Variants in DEPDC1 observed in about 807,000 individuals in gnomAD.
DEPDC1 encodes the protein DEP domain containing 1, also known as DEP domain-containing protein 1A.
A neutral mutation model predicts 86.8 loss-of-function variants in DEPDC1; 66 were observed. That is an observed-to-expected ratio of 0.76 (90% CI 0.62 to 0.93). The LOEUF (loss-of-function observed/expected upper bound fraction) is 0.93. Among genes scored for constraint, DEPDC1 ranks in the 40% least tolerant of loss-of-function variants. The pLI, the probability that DEPDC1 is intolerant of heterozygous loss-of-function variation, is 0.00. For synonymous variants in DEPDC1, 255 were observed against 314.9 expected (o/e 0.81, Z 2.02); for missense variants, 792 against 935.7 (o/e 0.85, Z 2.00).
chr1:68,496,858 C>CCGAGGAAAAACTGCGAACGGT lies in DEPDC1; in HGVS notation c.48+93_48+94insACCGTTCGCAGTTTTTCCTCG. 7.8e-7 allele frequency: 1 copy of CCGAGGAAAAACTGCGAACGGT among 1,285,468 alleles called. No homozygotes were observed. 79.6% of individuals were successfully genotyped at this position (1,285,468 alleles called of 1,614,324 possible). A position where few individuals can be genotyped will look rare whatever the true frequency, so the allele number is the denominator to read the frequency against. The stretch of plus-strand genomic sequence containing the variant: ...GGGATCCTGGGACTCATCCCTCCGA[C>CCGAGGAAAAACTGCGAACGGT]CGAGGTAAAACTGCGAACGGTCGAG... On this transcript the variant is annotated intron_variant, in intron 1 of 11. Transcript: ENST00000456315. This position sits in a 1 kb window ranked among gnomAD's most constrained non-coding sequence, Gnocchi z 4.0.
At position 68,479,204 on chromosome 1, in the gene DEPDC1, T is replaced by C. The variant is rs1646137486; in HGVS notation, c.2052A>G (p.Gln684=). The C allele has an allele frequency of 6.2e-7, 1 of 1,612,112 alleles. No individual in the cohort carries two copies. Among genetic ancestry groups the C allele is most frequent in the African/African-American group, 1.3e-5 (1 of 74,808 alleles). Residue 684 remains glutamine, a synonymous_variant, in exon 10 of 12, where the codon CAA becomes CAG. Coordinates refer to ENST00000456315, the MANE Select transcript of DEPDC1 (RefSeq NM_001114120.3). The part of the protein sequence containing the change: ...FLMDHHQEIL[Q]VPSYLQTAVE... ...CTGCAGTCTGTAAGTAAGAGGGTAC[T>C]TGAAGAATTTCCTGATGATGATCCA...
intron 9 of DEPDC1, among the ~76,000 whole-genome samples, chr1:68,480,419 T>C (rs370553776): frequency 6.6e-6 from 1 of 152,002 alleles, no homozygotes; most frequent in Non-Finnish European, 1.5e-5. Flanking sequence ...TCTCCTTCCA[T>C]GGCTCAGACC....
chr1:68,482,008 A>C, intron 8 of DEPDC1, 38 bp downstream of exon 8: 1 of 1,515,832 alleles, frequency 6.6e-7, no homozygotes, highest in South Asian at 1.4e-5. Flanking sequence ...GTAAACACTC[A>C]AAGTTAATAT....
chr1:68,492,941 G>T (rs76654498), intron 2 of DEPDC1, among the ~76,000 whole-genome samples: 1 of 152,084 alleles, frequency 6.6e-6, no homozygotes, highest in Non-Finnish European at 1.5e-5. Context: ...TTTTCTATAT[G>T]GTTTATTTGA....
At position 68,489,000 on chromosome 1, in the gene DEPDC1, T is replaced by C; in HGVS notation, c.506A>G (p.Asn169Ser). Reference protein sequence around the residue: ...NGEKIKHEIINEDQENAIDNR... With the variant: ...NGEKIKHEIISEDQENAIDNR... ...ATCAATTGCATTTTCTTGATCTTCA[T>C]TGATTATTTCATGCTTTATTTTCTC... Residue 169 changes from asparagine to serine, a missense_variant, in exon 4 of 12, where the codon AAT becomes AGT. Physicochemically the swap from Asn to Ser is conservative, Grantham distance 46. Coordinates refer to ENST00000456315, the MANE Select transcript of DEPDC1 (RefSeq NM_001114120.3). 1 of 1,607,080 alleles carries C rather than the reference T, an allele frequency of 6.2e-7. No individual in the cohort carries two copies. The highest frequency in any genetic ancestry group is 8.5e-7 in the Non-Finnish European group (1 of 1,175,874).
intron 10 of DEPDC1, among the ~76,000 whole-genome samples, chr1:68,478,464 G>T (rs1646132047): frequency 1.3e-5 from 2 of 148,562 alleles, no homozygotes; most frequent in African/African-American, 5.0e-5. Context: ...TTTTTTTGAG[G>T]CCTAGGGACA....
intron 10 of DEPDC1, among the ~76,000 whole-genome samples, chr1:68,478,927 G>A (rs1477896738): frequency 6.7e-6 from 1 of 150,168 alleles, no homozygotes; most frequent in Non-Finnish European, 1.5e-5. Flanking sequence ...TCATGTGAAG[G>A]AGCCATTGTC....
chr1:68,477,022 C>T lies in DEPDC1; in HGVS notation c.2346G>A (p.Thr782=), dbSNP rs745351903. The part of the protein sequence containing the change: ...PLIYQKRFPT[T]ESEAALFGDK... Reference sequence around the variant, plus strand: ...CACCAAAAAGTGCTGCTTCACTCTCCGTGGTTGGAAATCTTTTCTGATATA... The same window carrying T: ...CACCAAAAAGTGCTGCTTCACTCTCTGTGGTTGGAAATCTTTTCTGATATA... Residue 782 remains threonine (T), a synonymous_variant, in exon 12 of 12, where the codon ACG becomes ACA. Coordinates refer to ENST00000456315, the MANE Select transcript of DEPDC1 (RefSeq NM_001114120.3). The T allele has an allele frequency of 6.2e-6, 10 of 1,606,224 alleles. No homozygotes were observed. The highest frequency in any genetic ancestry group is 1.8e-4 in the Middle Eastern group (1 of 5,500).
chr1:68,487,758 TGA>T (rs747782206), intron 5 of DEPDC1, among the ~76,000 whole-genome samples: 1 of 151,954 alleles, frequency 6.6e-6, no homozygotes, highest in East Asian at 1.9e-4. Flanking sequence ...GCTACGATTT[TGA>T]GAGATTTATG....
At chr1:68,492,552 C>A (rs1266129112) in intron 2 of DEPDC1, among the ~76,000 whole-genome samples, 1 of 151,848 alleles carries the variant, frequency 6.6e-6, no homozygotes, top group African/African-American at 2.4e-5. Context: ...ACAAAAAATT[C>A]AAAAATTAGC....
At chr1:68,491,041 G>C (rs1364253980) in intron 2 of DEPDC1, among the ~76,000 whole-genome samples, 1 of 152,130 alleles carries the variant, frequency 6.6e-6, no homozygotes, top group African/African-American at 2.4e-5. Context: ...ACTCAACATG[G>C]ATTAAAGAGT....
At chr1:68,491,604 C>A (rs1041476524) in intron 2 of DEPDC1, among the ~76,000 whole-genome samples, 13 of 151,994 alleles carry the variant, frequency 8.6e-5, no homozygotes, top group Non-Finnish European at 2.9e-5. Flanking sequence ...AAATGAAATT[C>A]TTTGCTCATT....
intron 1 of DEPDC1, 51 bp from the exon 2 acceptor site, chr1:68,494,746 C>T (rs983465882): frequency 6.9e-7 from 1 of 1,458,828 alleles, no homozygotes; most frequent in Non-Finnish European, 9.4e-7. Flanking sequence ...AATTAAATCT[C>T]ATATTGATTT....
chr1:68,494,177 G>A (rs1283492422), intron 2 of DEPDC1, among the ~76,000 whole-genome samples: 1 of 152,172 alleles, frequency 6.6e-6, no homozygotes, highest in Non-Finnish European at 1.5e-5. Context: ...ATGCGGAAGT[G>A]ATAATACATC....
At chr1:68,488,617 G>A in intron 4 of DEPDC1, 113 bp from the exon 5 acceptor site, 1 of 920,032 alleles carries the variant, frequency 1.1e-6, no homozygotes. Context: ...AAATTTCTAA[G>A]ACTTATATTT....
chr1:68,488,111 T>A (rs1646204722), intron 5 of DEPDC1, among the ~76,000 whole-genome samples: 1 of 151,884 alleles, frequency 6.6e-6, no homozygotes, highest in African/African-American at 2.4e-5. Context: ...TTCTTATATT[T>A]GTATACCTTT....
rs1286997758 is a variant in DEPDC1, at chr1:68,477,616, A to G, written c.2298+171T>C. Among the ~76,000 whole-genome samples the G allele has an allele frequency of 2.0e-5, 3 of 151,852 alleles. No individual in the cohort carries two copies. In the East Asian group the frequency reaches 5.8e-4, roughly 29 times the overall value. On this transcript the variant is annotated intron_variant, in intron 11 of 11. Transcript: ENST00000456315. ...AAAGAGCAAAATCAGGTAGGTACTC[A>G]CATGTTTTAGGTTAACGCACATATA...
chr1:68,483,356 C>T, intron 7 of DEPDC1: 1 of 508,940 alleles, frequency 2.0e-6, no homozygotes, highest in Non-Finnish European at 3.9e-6. Flanking sequence ...TTCAGCGTAT[C>T]TGAGTTCATG....
At position 68,476,752 on chromosome 1, in the gene DEPDC1, T is replaced by G; in HGVS notation, c.*180A>C. On this transcript the variant is annotated 3_prime_UTR_variant, in exon 12 of 12. Transcript: ENST00000456315. ...TCATCTATTGTTATGTGCTCTCAATTGAGATCTAGTTAGTTTCCTAAGAGT... is the reference window on the plus strand; with the variant it reads ...TCATCTATTGTTATGTGCTCTCAATGGAGATCTAGTTAGTTTCCTAAGAGT... 5.2e-5 allele frequency: 27 copies of G among 517,916 alleles called. No homozygotes were observed. The highest frequency in any genetic ancestry group is 6.4e-5 in the East Asian group (2 of 31,406). 32.1% of individuals were successfully genotyped at this position (517,916 alleles called of 1,614,324 possible).
Sources: allele counts gnomAD v4.1 joint callset (sites outside exome capture counted in the v4.1 genomes callset), GRCh38; gene constraint gnomAD v4.1.1; non-coding constraint Gnocchi (gnomAD v3.1); transcripts MANE v1.5; gene names NCBI Gene and HGNC (gene_info 2026-07-23, HGNC 2026-07-21).